PDXDC1: variants seen among roughly 807,000 people sequenced by gnomAD.
PDXDC1 encodes pyridoxal-dependent decarboxylase domain-containing protein 1.
Under a neutral mutation model 100.1 loss-of-function variants are expected in PDXDC1, and 42 were observed. The observed-to-expected ratio is 0.42, with a 90% CI of 0.33 to 0.54. The LOEUF is 0.54. PDXDC1 is among the 20% of genes least tolerant of loss of function. PDXDC1 has a pLI of 0.10. For missense variants in PDXDC1, 636 were observed against 979.2 expected (o/e 0.65, Z 4.68); for synonymous variants, 260 against 371.7 (o/e 0.70, Z 3.46).
At chr16:15,003,139 A>G (rs1442437760) in intron 4 of PDXDC1, among the ~76,000 whole-genome samples, 1 of 152,056 alleles carries the variant, frequency 6.6e-6, no homozygotes, top group Non-Finnish European at 1.5e-5. Flanking sequence ...ATATAAAATA[A>G]TACCTAGTCC....
rs3198697 is a variant in PDXDC1, at chr16:15,036,083, C to A, written c.2175C>A (p.His725Gln). 3 of 1,613,916 alleles carry A rather than the reference C, an allele frequency of 1.9e-6. No homozygotes were observed. Among genetic ancestry groups the A allele is most frequent in the Admixed American group, 3.3e-5 (2 of 60,000 alleles). ...TGAGTGAGACCAGCTCAGTCAGTCACATTGAAGACTTAGAAAAGGTGGAGC... is the reference window on the plus strand; with the variant it reads ...TGAGTGAGACCAGCTCAGTCAGTCAAATTGAAGACTTAGAAAAGGTGGAGC... ...DALSETSSVS[H>Q]IEDLEKVERL... The change falls in exon 23 of 23, where the codon CAC becomes CAA. Residue 725 changes from histidine (H) to glutamine (Q), a missense_variant. Transcript: ENST00000396410.
intron 1 of PDXDC1, among the ~76,000 whole-genome samples, chr16:14,986,572 G>A (rs1969427741): frequency 6.6e-6 from 1 of 152,284 alleles, no homozygotes; most frequent in Non-Finnish European, 1.5e-5. Flanking sequence ...AGATAAAATT[G>A]TAGCAAAAAT....
At chr16:15,018,375 C>G (rs1236980006) in intron 11 of PDXDC1, among the ~76,000 whole-genome samples, 5 of 152,232 alleles carry the variant, frequency 3.3e-5, no homozygotes, top group Non-Finnish European at 7.3e-5. Flanking sequence ...CACCACTGCA[C>G]TGCAGCCTGG....
chr16:15,067,912 C>G (rs2045045901), intron 16 of PDXDC1, among the ~76,000 whole-genome samples: 1 of 151,794 alleles, frequency 6.6e-6, no homozygotes, highest in Non-Finnish European at 1.5e-5. Flanking sequence ...CACAGGCAAC[C>G]ACACCCAGCT....
intron 11 of PDXDC1, among the ~76,000 whole-genome samples, chr16:15,017,689 T>G (rs1388050501): frequency 6.6e-6 from 1 of 152,284 alleles, no homozygotes; most frequent in Non-Finnish European, 1.5e-5. Flanking sequence ...AGTGAACGTC[T>G]TTCTGTGTTT....
chr16:15,012,618 C>T (rs1231852670), intron 8 of PDXDC1, among the ~76,000 whole-genome samples: 43 of 152,386 alleles, frequency 2.8e-4, no homozygotes, highest in African/African-American at 7.2e-4. Flanking sequence ...GCTGAGACTG[C>T]GAGATCAATT....
chr16:15,099,506 C>T (rs1311311126), intron 16 of PDXDC1, among the ~76,000 whole-genome samples: 3 of 151,722 alleles, frequency 2.0e-5, no homozygotes, highest in South Asian at 2.1e-4. Flanking sequence ...TGACCATGTC[C>T]GTTCTTTGTG....
chr16:15,132,991 T>A lies in PDXDC1; in HGVS notation c.1400-5888T>A, dbSNP rs939524622. ...TGCTAGATGCTGTGTGATGTGGGCA[T>A]TGACCCGCAACACTGAGCTGTTTCT... On this transcript the variant is annotated intron_variant, in intron 16 of 16. Coordinates refer to the PDXDC1 transcript ENST00000535621. 4.7e-6 allele frequency: 7 copies of A among 1,492,612 alleles called. No individual in the cohort carries two copies. In the East Asian group the frequency reaches 1.4e-4, roughly 29 times the overall value. The allele number at this position is 1,492,612 out of a possible 1,614,324, so 92.5% of individuals were successfully genotyped here.
At chr16:14,995,455 G>A (rs1331197123) in intron 1 of PDXDC1, among the ~76,000 whole-genome samples, 21 of 152,402 alleles carry the variant, frequency 1.4e-4, no homozygotes, top group African/African-American at 2.2e-4. Context: ...ATTGATTTGC[G>A]TATGTTGAAC....
At chr16:15,033,216 G>A in intron 18 of PDXDC1, 62 bp from the exon 19 acceptor site, 1 of 1,587,590 alleles carries the variant, frequency 6.3e-7, no homozygotes, top group Non-Finnish European at 8.6e-7. Context: ...CAGGAGAGTA[G>A]GTCCACGTCT....
intron 17 of PDXDC1, chr16:15,032,323 C>A: frequency 5.3e-6 from 1 of 190,430 alleles, no homozygotes; most frequent in Non-Finnish European, 1.1e-5. Context: ...TTTTGTATTG[C>A]CCATGAGACT....
At chr16:15,071,396 T>C (rs866587650) in intron 16 of PDXDC1, 6 of 789,634 alleles carry the variant, frequency 7.6e-6, no homozygotes, top group South Asian at 6.2e-5. Flanking sequence ...TTAAAACACA[T>C]TGAGAGAATA....
At position 15,102,282 on chromosome 16, in the gene PDXDC1, G is replaced by A. The variant is rs1247746735; in HGVS notation, c.1400-36597G>A. Among the ~76,000 whole-genome samples the A allele has an allele frequency of 5.9e-5, 9 of 152,108 alleles. No individual in the cohort carries two copies. The East Asian group carries it at 7.8e-4, about 13-fold the overall frequency. On this transcript the variant is annotated intron_variant, in intron 16 of 16. Coordinates refer to the PDXDC1 transcript ENST00000535621. ...GCTGGGATTACAGATGGGTGTCACCGCACCTGGCCTCTGAGGAGGATTTCA... is the reference window on the plus strand; with the variant it reads ...GCTGGGATTACAGATGGGTGTCACCACACCTGGCCTCTGAGGAGGATTTCA...
chr16:15,031,868 T>C lies in PDXDC1; in HGVS notation c.1533T>C (p.Tyr511=). Residue 511 remains tyrosine, a synonymous_variant, in exon 17 of 23, where the codon TAT becomes TAC. Transcript: ENST00000396410. Reference sequence around the variant, plus strand: ...TGGAAGCAACAGCAGGTCTCCTATATGTTGATGACCCTAACTGGTCTGGAA... The same window carrying C: ...TGGAAGCAACAGCAGGTCTCCTATACGTTGATGACCCTAACTGGTCTGGAA... ...QEVEATAGLL[Y]VDDPNWSGIG... 1 of 1,613,750 alleles carries C rather than the reference T, an allele frequency of 6.2e-7. No individual in the cohort carries two copies. The highest frequency in any genetic ancestry group is 8.5e-7 in the Non-Finnish European group (1 of 1,179,848).
chr16:15,145,152 G>A, the PDXDC1 span, among the ~76,000 whole-genome samples: 2 of 152,220 alleles, frequency 1.3e-5, no homozygotes, highest in African/African-American at 4.8e-5. Flanking sequence ...GAGTGTCAAT[G>A]GAGGAAGCCA....
At chr16:15,150,083 G>T in the PDXDC1 span, among the ~76,000 whole-genome samples, 8 of 152,174 alleles carry the variant, frequency 5.3e-5, no homozygotes, top group South Asian at 1.2e-3. Flanking sequence ...GGTGGCTCAA[G>T]CCTGTAATCC....
At chr16:15,044,116 T>G (rs1423018331) in intron 16 of PDXDC1, among the ~76,000 whole-genome samples, 1 of 152,124 alleles carries the variant, frequency 6.6e-6, no homozygotes, top group Non-Finnish European at 1.5e-5. Flanking sequence ...GCTGTTTTAG[T>G]AGAAAATCTT....
intron 4 of PDXDC1, among the ~76,000 whole-genome samples, chr16:15,003,277 T>C (rs1377457134): frequency 6.6e-5 from 10 of 150,504 alleles, no homozygotes; most frequent in African/African-American, 2.4e-4. Flanking sequence ...AGTGCAGTGG[T>C]GCCATTTCGG....
rs187790931 is a variant in PDXDC1, at chr16:15,071,206, C to T, written c.1399+41150C>T. The T allele has an allele frequency of 1.2e-5, 20 of 1,611,084 alleles. 1 individual carries two copies. The Admixed American group carries it at 2.5e-4, about 20-fold the overall frequency. ...CTGATGATGGCAGGATTACTTGGGTCCTGCAATTTTTTCCAGAGATGTTCC... is the reference window on the plus strand; with the variant it reads ...CTGATGATGGCAGGATTACTTGGGTTCTGCAATTTTTTCCAGAGATGTTCC... On this transcript the variant is annotated intron_variant, in intron 16 of 16. Coordinates refer to the PDXDC1 transcript ENST00000535621.
Sources: allele counts gnomAD v4.1 joint callset (sites outside exome capture counted in the v4.1 genomes callset), GRCh38; gene constraint gnomAD v4.1.1; transcripts MANE v1.5; gene names NCBI Gene and HGNC (gene_info 2026-07-23, HGNC 2026-07-21).